The following RMI1 variants were observed in gnomAD, a reference collection of about 807,000 sequenced individuals.
RMI1 encodes the protein RecQ mediated genome instability 1.
Under a neutral mutation model 46.7 loss-of-function variants are expected in RMI1, and 36 were observed. The observed-to-expected ratio is 0.77, with a 90% CI of 0.59 to 1.02. The LOEUF (loss-of-function observed/expected upper bound fraction) is 1.02. Among genes scored for constraint, RMI1 ranks in the 50% least tolerant of loss-of-function variants. RMI1 has a pLI of 0.00. For missense variants in RMI1, 676 were observed against 713.7 expected (o/e 0.95, Z 0.60); for synonymous variants, 250 against 252.9 (o/e 0.99, Z 0.11).
chr9:83,982,711 T>A (rs1364235620), intron 1 of RMI1, among the ~76,000 whole-genome samples: 1 of 152,010 alleles, frequency 6.6e-6, no homozygotes, highest in East Asian at 1.9e-4. Flanking sequence ...TTCCTCCCAG[T>A]TTCATTGTCC....
chr9:83,995,305 T>A (rs1957633448), intron 1 of RMI1, among the ~76,000 whole-genome samples: 1 of 151,640 alleles, frequency 6.6e-6, no homozygotes, highest in South Asian at 2.1e-4. Context: ...GCCTCAACCA[T>A]TACTTTTTAA....
chr9:83,982,406 G>A (rs1209058721), intron 1 of RMI1, among the ~76,000 whole-genome samples: 1 of 152,156 alleles, frequency 6.6e-6, no homozygotes, highest in Non-Finnish European at 1.5e-5. Context: ...GCTCACGCCT[G>A]TAATCCCAGC....
chr9:83,990,799 CTTTT>C (rs1957561627), intron 1 of RMI1, among the ~76,000 whole-genome samples: 1 of 151,760 alleles, frequency 6.6e-6, no homozygotes, highest in South Asian at 2.1e-4. Context: ...TTCTTTCTTT[CTTTT>C]TATTTATTTA....
intron 1 of RMI1, chr9:83,993,115 T>C (rs1459568175): frequency 6.6e-6 from 1 of 152,014 alleles, no homozygotes; most frequent in Non-Finnish European, 1.5e-5. Flanking sequence ...GCAACAGTTA[T>C]CTATAACTTT....
intron 1 of RMI1, among the ~76,000 whole-genome samples, chr9:83,981,947 A>T (rs1389378937): frequency 2.0e-5 from 3 of 152,200 alleles, no homozygotes; most frequent in African/African-American, 7.2e-5. Context: ...ACGTTAACAC[A>T]TGCTGTTAGA....
rs960051419 is a variant in RMI1 at position 84,003,970 on chromosome 9, A to G, written c.*1106A>G. On this transcript the variant is annotated 3_prime_UTR_variant, in exon 3 of 3. Coordinates refer to ENST00000445877, the MANE Select transcript of RMI1 (RefSeq NM_001358291.2). ...TACCATTCTTCCACTGTGCTGTTAT[A>G]AAGTTGTATTTGAAAGGTAATGTTG... 5 of 164,634 alleles carry G rather than the reference A, an allele frequency of 3.0e-5. No homozygotes were observed. The highest frequency in any genetic ancestry group is 7.3e-5 in the African/African-American group (3 of 41,270). The allele number at this position is 164,634 out of a possible 1,614,324, so 10.2% of individuals were successfully genotyped here.
intron 1 of RMI1, among the ~76,000 whole-genome samples, chr9:83,997,094 T>G (rs1588469521): frequency 7.7e-6 from 1 of 130,348 alleles, no homozygotes; most frequent in Admixed American, 8.1e-5. Context: ...TAGAGGTAAG[T>G]CCAACACCCC....
intron 1 of RMI1, among the ~76,000 whole-genome samples, chr9:83,991,107 G>A (rs1051063646): frequency 2.6e-5 from 4 of 152,042 alleles, no homozygotes; most frequent in African/African-American, 7.2e-5. Flanking sequence ...GCGCCTGGAC[G>A]ATATTTGTTT....
intron 1 of RMI1, among the ~76,000 whole-genome samples, chr9:83,996,773 C>T (rs910439387): frequency 1.3e-5 from 2 of 151,936 alleles, no homozygotes; most frequent in African/African-American, 4.8e-5. Context: ...CAGGAGCAGG[C>T]TGGGGAGGCC....
rs1404216872 is a variant in RMI1, at chr9:84,001,413, A to C, written c.427A>C (p.Ile143Leu). 6.2e-7 allele frequency: 1 copy of C among 1,614,144 alleles called. No homozygotes were observed. The highest frequency in any genetic ancestry group is 1.1e-5 in the South Asian group (1 of 91,080). ...GTTGATGCTGCAGCTAACTGATGGAATCGTACAAATACAGGGAATGGAATA... is the reference window on the plus strand; with the variant it reads ...GTTGATGCTGCAGCTAACTGATGGACTCGTACAAATACAGGGAATGGAATA... ...RMLMLQLTDG[I>L]VQIQGMEYQP... Residue 143 changes from isoleucine (I) to leucine (L), a missense_variant, in exon 3 of 3, where the codon ATC (isoleucine) becomes CTC (leucine). By Grantham distance (5) the Ile-to-Leu change is conservative. Transcript: ENST00000445877.
At chr9:83,981,170 C>G (rs1397469561) in intron 1 of RMI1, among the ~76,000 whole-genome samples, 2 of 152,238 alleles carry the variant, frequency 1.3e-5, no homozygotes, top group Non-Finnish European at 2.9e-5. Context: ...CGGGGCGAGC[C>G]TGGGAGTACT....
At chr9:83,982,685 C>CAAAAACA (rs796105901) in intron 1 of RMI1, among the ~76,000 whole-genome samples, 1 of 143,488 alleles carries the variant, frequency 7.0e-6, no homozygotes, top group African/African-American at 2.5e-5. Flanking sequence ...AAAACAAAAA[C>CAAAAACA]AAAAAAAAAA....
rs374736370 is a variant in RMI1 at position 83,985,867 on chromosome 9, G to A, written c.-126+4976G>A. 1.6e-4 allele frequency among the ~76,000 whole-genome samples: 25 copies of A among 152,220 alleles called. No homozygotes were observed. In the South Asian group the frequency reaches 2.5e-3, roughly 15 times the overall value. On this transcript the variant is annotated intron_variant, in intron 1 of 2. Coordinates refer to ENST00000445877, the MANE Select transcript of RMI1 (RefSeq NM_001358291.2). The stretch of plus-strand genomic sequence containing the variant: ...ACTAAAAATACAAAAAAATTAGCCG[G>A]GCATGGTGGCAGGAGCCTGTAGTCC...
intron 1 of RMI1, among the ~76,000 whole-genome samples, chr9:83,989,090 C>A (rs1357345190): frequency 6.6e-6 from 1 of 152,162 alleles, no homozygotes; most frequent in Non-Finnish European, 1.5e-5. Flanking sequence ...ATTTCCTGGG[C>A]TCAAGTGATC....
At chr9:83,987,613 A>G (rs1405682436) in intron 1 of RMI1, among the ~76,000 whole-genome samples, 1 of 152,174 alleles carries the variant, frequency 6.6e-6, no homozygotes, top group Non-Finnish European at 1.5e-5. Context: ...TTATAGAACA[A>G]TTCCATCACC....
chr9:83,985,640 G>A (rs1957477767), intron 1 of RMI1, among the ~76,000 whole-genome samples: 1 of 152,188 alleles, frequency 6.6e-6, no homozygotes, highest in South Asian at 2.1e-4. Context: ...TTTAGTTGTT[G>A]GGGTTCACTG....
At chr9:83,991,099 G>T (rs1438252088) in intron 1 of RMI1, among the ~76,000 whole-genome samples, 1 of 152,224 alleles carries the variant, frequency 6.6e-6, no homozygotes, top group African/African-American at 2.4e-5. Flanking sequence ...GAGCTACTGC[G>T]CCTGGACGAT....
intron 1 of RMI1, among the ~76,000 whole-genome samples, chr9:83,991,371 A>G (rs1422338999): frequency 6.6e-6 from 1 of 151,464 alleles, no homozygotes; most frequent in Non-Finnish European, 1.5e-5. Context: ...GGTAGGGTGC[A>G]GTGGCACAAA....
At chr9:83,982,279 G>T (rs565590459) in intron 1 of RMI1, among the ~76,000 whole-genome samples, 16 of 152,296 alleles carry the variant, frequency 1.1e-4, no homozygotes, top group African/African-American at 3.9e-4. Context: ...TGATGATGCT[G>T]TGCTTTCTTT....
Sources: allele counts gnomAD v4.1 joint callset (sites outside exome capture counted in the v4.1 genomes callset), GRCh38; gene constraint gnomAD v4.1.1; transcripts MANE v1.5; gene names NCBI Gene and HGNC (gene_info 2026-07-23, HGNC 2026-07-21).